Variants in ARSB observed in about 807,000 individuals in gnomAD.
The protein encoded by ARSB is N-acetylgalactosamine-4-sulfatase.
Under a neutral mutation model 50.9 loss-of-function variants are expected in ARSB, and 41 were observed. The observed-to-expected ratio is 0.81, with a 90% CI of 0.63 to 1.04. ARSB has a LOEUF of 1.04. ARSB is among the 50% of genes least tolerant of loss of function. The pLI is 0.00. For missense variants in ARSB, 672 were observed against 693.3 expected (o/e 0.97, Z 0.35); for synonymous variants, 269 against 284.8 (o/e 0.94, Z 0.56).
At position 78,925,993 on chromosome 5, in the gene ARSB, T is replaced by G. The variant is rs554211767; in HGVS notation, c.898+29302A>C. Among the ~76,000 whole-genome samples the G allele has an allele frequency of 2.6e-5, 4 of 152,276 alleles. No homozygotes were observed. In the East Asian group the frequency reaches 7.7e-4, roughly 29 times the overall value. On this transcript the variant is annotated intron_variant, in intron 4 of 7. Coordinates refer to ENST00000264914, the MANE Select transcript of ARSB (RefSeq NM_000046.5). The stretch of plus-strand genomic sequence containing the variant: ...ATCGTGAGTTTGTCCATAGAAAGAT[T>G]TTATAATATTAAAAAAGAAAGATTC...
chr5:78,841,156 C>CTAATAATAATAATAA (rs1491427657), intron 5 of ARSB, among the ~76,000 whole-genome samples: 11 of 102,874 alleles, frequency 1.1e-4, no homozygotes, highest in Non-Finnish European at 2.0e-4. Context: ...ACTACTACTA[C>CTAATAATAATAATAA]TACTACTACT....
At chr5:78,788,298 G>A (rs73118698) in intron 6 of ARSB, among the ~76,000 whole-genome samples, 1,658 of 152,294 alleles carry the variant, frequency 0.011, 32 homozygotes, top group African/African-American at 0.038. Flanking sequence ...TAGGACTGAT[G>A]AAATATGTTA....
At chr5:78,829,949 G>A (rs1744597625) in intron 6 of ARSB, among the ~76,000 whole-genome samples, 1 of 152,122 alleles carries the variant, frequency 6.6e-6, no homozygotes, top group Non-Finnish European at 1.5e-5. Context: ...GACTGGGAGA[G>A]GAAAAAAGGA....
chr5:78,895,904 A>T (rs913522407), intron 4 of ARSB, among the ~76,000 whole-genome samples: 2 of 152,226 alleles, frequency 1.3e-5, no homozygotes, highest in Non-Finnish European at 2.9e-5. Flanking sequence ...CCTTAAGCAC[A>T]CATCTTGGGC....
chr5:78,792,261 C>G (rs949520631), intron 6 of ARSB, among the ~76,000 whole-genome samples: 2 of 151,904 alleles, frequency 1.3e-5, no homozygotes, highest in Non-Finnish European at 2.9e-5. Context: ...TGCCTGTAAT[C>G]CCAGCTACTC....
chr5:78,821,690 C>G (rs1744231770), intron 6 of ARSB, among the ~76,000 whole-genome samples: 1 of 152,212 alleles, frequency 6.6e-6, no homozygotes, highest in Admixed American at 6.5e-5. Context: ...CGGTGCATAT[C>G]TTCTAGAATG....
intron 1 of ARSB, among the ~76,000 whole-genome samples, chr5:78,978,502 G>C (rs1434371197): frequency 6.6e-6 from 1 of 151,810 alleles, no homozygotes; most frequent in Non-Finnish European, 1.5e-5. Context: ...AAATGTACAA[G>C]TTGATCCTAA....
intron 1 of ARSB, among the ~76,000 whole-genome samples, chr5:78,975,940 A>G (rs1209076438): frequency 6.6e-6 from 1 of 152,236 alleles, no homozygotes; most frequent in Non-Finnish European, 1.5e-5. Context: ...GTATAGAATA[A>G]AGTCAATTTG....
At chr5:78,913,298 G>A (rs2112324051) in intron 4 of ARSB, among the ~76,000 whole-genome samples, 1 of 151,982 alleles carries the variant, frequency 6.6e-6, no homozygotes, top group African/African-American at 2.4e-5. Context: ...CTAATTTTTT[G>A]TGTTTTTAGT....
At chr5:78,930,932 T>C (rs1226938425) in intron 4 of ARSB, among the ~76,000 whole-genome samples, 2 of 152,188 alleles carry the variant, frequency 1.3e-5, no homozygotes, top group Admixed American at 1.3e-4. Flanking sequence ...AGCAAGTCTC[T>C]GATAAACTCC....
At chr5:78,789,962 C>G (rs950084432) in intron 6 of ARSB, among the ~76,000 whole-genome samples, 1 of 152,104 alleles carries the variant, frequency 6.6e-6, no homozygotes, top group Non-Finnish European at 1.5e-5. Context: ...TAGAGGTGTG[C>G]AAGCAAGGGC....
chr5:78,913,284 C>T (rs933697732), intron 4 of ARSB, among the ~76,000 whole-genome samples: 1 of 152,164 alleles, frequency 6.6e-6, no homozygotes, highest in African/African-American at 2.4e-5. Flanking sequence ...GCCACCTCGC[C>T]CGGCTAATTT....
intron 6 of ARSB, among the ~76,000 whole-genome samples, chr5:78,828,366 GT>G (rs1186756649): frequency 6.6e-6 from 1 of 152,154 alleles, no homozygotes; most frequent in Non-Finnish European, 1.5e-5. Context: ...TATTGTCCTT[GT>G]TTAGCTTTCC....
intron 6 of ARSB, among the ~76,000 whole-genome samples, chr5:78,792,244 C>T (rs184286538): frequency 5.3e-5 from 8 of 151,756 alleles, no homozygotes; most frequent in East Asian, 1.9e-4. Context: ...CCAGGTGTGA[C>T]GGTGCATGCC....
At chr5:78,813,444 T>A (rs916276217) in intron 6 of ARSB, among the ~76,000 whole-genome samples, 7 of 152,214 alleles carry the variant, frequency 4.6e-5, no homozygotes, top group African/African-American at 1.2e-4. Flanking sequence ...TGAAGTCATA[T>A]AGCATTTACT....
intron 4 of ARSB, among the ~76,000 whole-genome samples, chr5:78,905,387 A>G (rs1749016962): frequency 8.7e-6 from 1 of 114,518 alleles, no homozygotes; most frequent in South Asian, 2.8e-4. Context: ...ACTGTCTATT[A>G]GACATTTTGA....
chr5:78,780,626 T>C lies in ARSB; in HGVS notation c.1373A>G (p.Asn458Ser), dbSNP rs144222167. ...GTCTGATGAGGGTATCTCAGAAACA[T>C]TGTATTGAGACGGTGGAGGGAACCA... is the stretch of plus-strand genomic sequence containing the variant. The part of the protein sequence containing the change: ...GYWFPPPSQY[N>S]VSEIPSSDPP... The change falls in exon 8 of 8, where the codon AAT (asparagine) becomes AGT (serine). Residue 458 changes from asparagine (N) to serine (S), a missense_variant. Physicochemically the swap from Asn to Ser is conservative, Grantham distance 46. Transcript: ENST00000264914. The C allele has an allele frequency of 6.1e-4, 980 of 1,613,942 alleles. 8 individuals are homozygous for C. Among genetic ancestry groups the C allele is most frequent in the Middle Eastern group, 4.9e-3 (30 of 6,084 alleles).
rs550833308 is a variant in ARSB at position 78,950,941 on chromosome 5, C to T, written c.898+4354G>A. 1.6e-4 allele frequency among the ~76,000 whole-genome samples: 24 copies of T among 152,204 alleles called. No homozygotes were observed. In the South Asian group the frequency reaches 4.6e-3, roughly 29 times the overall value. On this transcript the variant is annotated intron_variant, in intron 4 of 7. Transcript: ENST00000264914. The stretch of plus-strand genomic sequence containing the variant: ...AAAGGATGGGTCCTGTGAACACAAG[C>T]GTAGAAATGCAGTACAATGGGATGA...
At chr5:78,866,454 C>G (rs544613802) in intron 5 of ARSB, among the ~76,000 whole-genome samples, 1 of 152,170 alleles carries the variant, frequency 6.6e-6, no homozygotes, top group Non-Finnish European at 1.5e-5. Flanking sequence ...GGTGGGGACA[C>G]AGCCAAACCA....
Sources: gnomAD v4.1 joint callset for allele counts (sites outside exome capture counted in the v4.1 genomes callset) on GRCh38, gnomAD v4.1.1 for gene constraint, MANE v1.5 for transcripts, NCBI Gene and HGNC (gene_info 2026-07-23, HGNC 2026-07-21) for gene names.